GREB1L: variants seen among roughly 807,000 people sequenced by gnomAD.
The protein encoded by GREB1L is GREB1-like protein.
Under a neutral mutation model 200.8 loss-of-function variants are expected in GREB1L, and 17 were observed. The observed-to-expected ratio is 0.08, with a 90% CI of 0.06 to 0.13. The LOEUF (loss-of-function observed/expected upper bound fraction) is 0.13, where lower values mean the gene tolerates loss of function less well. Among genes scored for constraint, GREB1L ranks in the 10% least tolerant of loss-of-function variants. GREB1L has a pLI of 1.00. For missense variants in GREB1L, 1,657 were observed against 2,367.7 expected, an observed-to-expected ratio of 0.70 and a Z score of 6.23; for synonymous variants, 789 against 893.0, an observed-to-expected ratio of 0.88 and a Z score of 2.08.
intron 1 of GREB1L, among the ~76,000 whole-genome samples, chr18:21,311,712 TTAGG>T (rs1223419581): frequency 2.0e-5 from 3 of 152,160 alleles, no homozygotes; most frequent in Non-Finnish European, 4.4e-5. Context: ...CCTGGCTATA[TTAGG>T]TTTTGCCATT....
chr18:21,522,004 CAA>C (rs59115973), intron 32 of GREB1L, among the ~76,000 whole-genome samples: 4 of 30,984 alleles, frequency 1.3e-4, no homozygotes, highest in East Asian at 2.5e-3. Flanking sequence ...ACTCCGTCTC[CAA>C]AAAAAAAAAA....
At chr18:21,263,684 G>A (rs2037923406) in intron 1 of GREB1L, among the ~76,000 whole-genome samples, 1 of 152,146 alleles carries the variant, frequency 6.6e-6, no homozygotes, top group South Asian at 2.1e-4. Flanking sequence ...TTTTAGGGTG[G>A]TAGAGCTACT....
intron 7 of GREB1L, among the ~76,000 whole-genome samples, chr18:21,411,119 G>A (rs1039959708): frequency 3.9e-5 from 6 of 151,958 alleles, no homozygotes; most frequent in Admixed American, 1.3e-4. Context: ...TTGGTAATGA[G>A]GAAAATTAAA....
At chr18:21,343,369 T>G (rs2039295568) in intron 1 of GREB1L, among the ~76,000 whole-genome samples, 2 of 152,204 alleles carry the variant, frequency 1.3e-5, no homozygotes, top group South Asian at 2.1e-4. Context: ...ATCTCTAGAT[T>G]ATAACCCAAT....
chr18:21,523,587 GAACAGTGAT>G lies in GREB1L; in HGVS notation c.*767_*775del. 6.6e-6 allele frequency: 1 copy of G among 152,272 alleles called. No individual in the cohort carries two copies. The highest frequency in any genetic ancestry group is 2.1e-4 in the South Asian group (1 of 4,826). The allele number at this position is 152,272 out of a possible 1,614,324, so 9.4% of individuals were successfully genotyped here. A position where few individuals can be genotyped will look rare whatever the true frequency, so the allele number is the denominator to read the frequency against. On this transcript the variant is annotated 3_prime_UTR_variant, in exon 33 of 33. Transcript: ENST00000424526. ...AGAATATCTTATCTATGAGACTATG[GAACAGTGAT>G]TAATCTTTTGCAAGAACTTAAGTCA...
intron 1 of GREB1L, among the ~76,000 whole-genome samples, chr18:21,279,475 T>C (rs1254349399): frequency 1.3e-5 from 2 of 152,226 alleles, no homozygotes; most frequent in East Asian, 3.8e-4. Flanking sequence ...TAGGGTAGAT[T>C]TTTGGAAGTA....
Position 21,490,263 on chromosome 18 carries a change from A to G in GREB1L, c.2942A>G (p.Lys981Arg). ...AKERLQEVRD[K>R]LGLQYRFEII... The stretch of plus-strand genomic sequence containing the variant: ...GAGCGGCTACAGGAGGTGCGCGACA[A>G]ACTGGGTCTGCAGTATCGGTTTGAG... Residue 981 changes from lysine to arginine, a missense_variant, in exon 19 of 33, where the codon AAA (lysine) becomes AGA (arginine). Coordinates refer to ENST00000424526, the MANE Select transcript of GREB1L (RefSeq NM_001142966.3). 1.3e-6 allele frequency: 2 copies of G among 1,551,772 alleles called. No individual in the cohort carries two copies. The highest frequency in any genetic ancestry group is 1.7e-6 in the Non-Finnish European group (2 of 1,147,014).
At chr18:21,428,760 C>T (rs1227369996) in intron 7 of GREB1L, among the ~76,000 whole-genome samples, 5 of 140,050 alleles carry the variant, frequency 3.6e-5, no homozygotes, top group African/African-American at 5.5e-5. Flanking sequence ...GTTGTCAGCC[C>T]GGGCTGGAGT....
chr18:21,377,202 T>C (rs1305432517), intron 2 of GREB1L, among the ~76,000 whole-genome samples: 2 of 151,608 alleles, frequency 1.3e-5, no homozygotes. Flanking sequence ...AATGGTGATG[T>C]GGGTAAAACA....
Position 21,490,327 on chromosome 18 carries a change from A to C in GREB1L, c.3006A>C (p.Ala1002=). The C allele has an allele frequency of 6.4e-7, 1 of 1,551,604 alleles. No homozygotes were observed. The highest frequency in any genetic ancestry group is 8.7e-7 in the Non-Finnish European group (1 of 1,146,744). ...LGNPATELSV[A]THFVARLKSW... is the part of the protein sequence containing the mutation. Reference sequence around the variant, plus strand: ...ACCCGGCCACCGAACTCAGTGTTGCAACTCACTTTGTGGCGCGATTAAAGG... The same window carrying C: ...ACCCGGCCACCGAACTCAGTGTTGCCACTCACTTTGTGGCGCGATTAAAGG... Residue 1002 remains alanine (A), a synonymous_variant, in exon 19 of 33, where the codon GCA becomes GCC. Transcript: ENST00000424526.
At chr18:21,349,227 A>T (rs535143717) in intron 1 of GREB1L, among the ~76,000 whole-genome samples, 4 of 149,702 alleles carry the variant, frequency 2.7e-5, no homozygotes, top group Non-Finnish European at 4.5e-5. Context: ...TAATTATGTT[A>T]TTTTTTTTTT....
intron 12 of GREB1L, among the ~76,000 whole-genome samples, chr18:21,450,392 C>T (rs1161197419): frequency 2.0e-5 from 3 of 152,152 alleles, no homozygotes; most frequent in Admixed American, 2.0e-4. Flanking sequence ...CTACATTTTG[C>T]TTCTCTCTTC....
intron 23 of GREB1L, among the ~76,000 whole-genome samples, chr18:21,502,982 G>A (rs866283415): frequency 4.6e-5 from 7 of 152,224 alleles, no homozygotes; most frequent in Middle Eastern, 6.8e-3. Flanking sequence ...TTTTAGTGCA[G>A]GTTAATGCAA....
intron 1 of GREB1L, among the ~76,000 whole-genome samples, chr18:21,253,947 C>G (rs2037757446): frequency 6.6e-6 from 1 of 151,306 alleles, no homozygotes. Flanking sequence ...AAGGATCCTC[C>G]TGCCTCAGCC....
At chr18:21,246,094 C>CT (rs1177759449) in intron 1 of GREB1L, among the ~76,000 whole-genome samples, 5 of 151,830 alleles carry the variant, frequency 3.3e-5, no homozygotes, top group African/African-American at 7.3e-5. Flanking sequence ...TCCTTAGGAT[C>CT]TTTTTTTTCT....
chr18:21,299,783 C>T (rs2144676828), intron 1 of GREB1L, among the ~76,000 whole-genome samples: 1 of 152,112 alleles, frequency 6.6e-6, no homozygotes, highest in Admixed American at 6.5e-5. Context: ...AGTTATTTGC[C>T]AAATTCAAAA....
chr18:21,453,519 T>C (rs1294125505), intron 14 of GREB1L, among the ~76,000 whole-genome samples: 3 of 152,274 alleles, frequency 2.0e-5, no homozygotes, highest in Non-Finnish European at 4.4e-5. Flanking sequence ...CTCACGTGTT[T>C]AGCTGACTAA....
intron 27 of GREB1L, among the ~76,000 whole-genome samples, chr18:21,509,891 G>T (rs1411094433): frequency 6.6e-6 from 1 of 151,828 alleles, no homozygotes; most frequent in Non-Finnish European, 1.5e-5. Context: ...TTTTATTTTT[G>T]GTAAAAATCA....
chr18:21,314,140 A>G (rs2038832923), intron 1 of GREB1L, among the ~76,000 whole-genome samples: 1 of 152,192 alleles, frequency 6.6e-6, no homozygotes, highest in Non-Finnish European at 1.5e-5. Context: ...CTCTTCCTGT[A>G]TCTGCTATTA....
Sources: gnomAD v4.1 joint callset for allele counts (sites outside exome capture counted in the v4.1 genomes callset) on GRCh38, gnomAD v4.1.1 for gene constraint, MANE v1.5 for transcripts, NCBI Gene and HGNC (gene_info 2026-07-23, HGNC 2026-07-21) for gene names.